The following CDH13 variants were observed in gnomAD, a reference collection of about 807,000 sequenced individuals.
CDH13 encodes cadherin 13, also known as cadherin-13.
In CDH13, 24 loss-of-function variants were observed where a neutral mutation model predicts 63.8. The observed-to-expected ratio is 0.38, with a 90% CI of 0.27 to 0.53. The LOEUF (loss-of-function observed/expected upper bound fraction) is 0.53, where lower values mean the gene tolerates loss of function less well. Among genes scored for constraint, CDH13 ranks in the 20% least tolerant of loss-of-function variants. The probability of loss-of-function intolerance (pLI) is 0.85; values close to 1 mark genes in which losing one functional copy is unlikely to be tolerated. For synonymous variants in CDH13, 503 were observed against 355.3 expected (o/e 1.42, Z -4.67); for missense variants, 1,049 against 903.1 (o/e 1.16, Z -2.07).
intron 1 of CDH13, among the ~76,000 whole-genome samples, chr16:82,853,149 C>T (rs2039560882): frequency 1.3e-5 from 2 of 152,082 alleles, no homozygotes; most frequent in Non-Finnish European, 2.9e-5. Context: ...TTAAAGGATG[C>T]TTGGTGTCCT....
At chr16:83,310,972 C>G (rs981122633) in intron 5 of CDH13, among the ~76,000 whole-genome samples, 5 of 152,208 alleles carry the variant, frequency 3.3e-5, no homozygotes, top group African/African-American at 9.7e-5. Context: ...CCACACAACA[C>G]ACACAAAGTA....
intron 7 of CDH13, among the ~76,000 whole-genome samples, chr16:83,540,047 TTA>T (rs1427520159): frequency 6.6e-6 from 1 of 151,542 alleles, no homozygotes; most frequent in Non-Finnish European, 1.5e-5. Context: ...TTAAAATTCT[TTA>T]TGTTATTGTC....
chr16:83,793,553 T>A (rs1434794494), intron 13 of CDH13, among the ~76,000 whole-genome samples: 1 of 152,154 alleles, frequency 6.6e-6, no homozygotes, highest in Non-Finnish European at 1.5e-5. Flanking sequence ...ATGAGATGCC[T>A]TTTTTCCTCT....
chr16:82,929,439 G>C (rs534330719), intron 2 of CDH13, among the ~76,000 whole-genome samples: 19 of 151,630 alleles, frequency 1.3e-4, no homozygotes, highest in Non-Finnish European at 1.0e-4. Context: ...TCAGGAGATC[G>C]AGACCATCCT....
intron 7 of CDH13, among the ~76,000 whole-genome samples, chr16:83,586,512 C>T (rs993736114): frequency 3.9e-5 from 6 of 152,180 alleles, no homozygotes; most frequent in African/African-American, 1.4e-4. Context: ...GAGTCTGAGC[C>T]GAGAAGGGCA....
In CDH13 at chr16:83,795,777, C is replaced by G. The variant is rs1469975258; in HGVS notation, c.*747C>G. The G allele has an allele frequency of 6.6e-6, 1 of 152,588 alleles. No individual in the cohort carries two copies. Among genetic ancestry groups the G allele is most frequent in the South Asian group, 2.1e-4 (1 of 4,828 alleles). The allele number at this position is 152,588 out of a possible 1,614,324, so 9.5% of individuals were successfully genotyped here. ...GAGCAGGCAATTTCACCACCAAATGCCAAGAAAAGGGCTGACATTTTCTTT... is the reference window on the plus strand; with the variant it reads ...GAGCAGGCAATTTCACCACCAAATGGCAAGAAAAGGGCTGACATTTTCTTT... On this transcript the variant is annotated 3_prime_UTR_variant, in exon 14 of 14. Transcript: ENST00000567109.
intron 9 of CDH13, among the ~76,000 whole-genome samples, chr16:83,676,617 C>T (rs1914977309): frequency 6.6e-6 from 1 of 152,210 alleles, no homozygotes; most frequent in Non-Finnish European, 1.5e-5. Context: ...TGAACCGACA[C>T]ATCACTGTGC....
intron 6 of CDH13, among the ~76,000 whole-genome samples, chr16:83,414,826 T>G (rs2092177168): frequency 6.6e-6 from 1 of 152,194 alleles, no homozygotes; most frequent in Non-Finnish European, 1.5e-5. Context: ...ACTGAACATT[T>G]AGGTTGTTTG....
intron 1 of CDH13, among the ~76,000 whole-genome samples, chr16:82,781,846 T>C (rs944792034): frequency 6.6e-6 from 1 of 152,208 alleles, no homozygotes; most frequent in African/African-American, 2.4e-5. Flanking sequence ...TACGGGAGTA[T>C]ATGTAAACCA....
chr16:83,053,338 C>T (rs1400779431), intron 3 of CDH13, among the ~76,000 whole-genome samples: 1 of 151,984 alleles, frequency 6.6e-6, no homozygotes. Flanking sequence ...TCCTTTCTTC[C>T]CTTCTTTCTT....
chr16:83,349,559 G>A (rs1196291177), intron 6 of CDH13, among the ~76,000 whole-genome samples: 7 of 149,962 alleles, frequency 4.7e-5, no homozygotes, highest in African/African-American at 1.7e-4. Flanking sequence ...GTACAGAAAA[G>A]GAAGTCAGAC....
At chr16:83,372,167 G>C (rs925988074) in intron 6 of CDH13, among the ~76,000 whole-genome samples, 1 of 152,150 alleles carries the variant, frequency 6.6e-6, no homozygotes, top group Admixed American at 6.5e-5. Flanking sequence ...CAACAGCTTT[G>C]TATGGGAGGT....
chr16:82,737,831 C>T (rs1001338853), intron 1 of CDH13, among the ~76,000 whole-genome samples: 11 of 152,138 alleles, frequency 7.2e-5, no homozygotes, highest in Non-Finnish European at 4.4e-5. Context: ...AAAATTGCTC[C>T]GGTTTAATGT....
intron 10 of CDH13, among the ~76,000 whole-genome samples, chr16:83,747,086 A>C (rs551164165): frequency 6.6e-6 from 1 of 152,238 alleles, no homozygotes; most frequent in Non-Finnish European, 1.5e-5. Context: ...ATATCTGTAT[A>C]TTCAACAAAT....
intron 1 of CDH13, among the ~76,000 whole-genome samples, chr16:82,800,768 T>C (rs1337170813): frequency 6.6e-6 from 1 of 152,238 alleles, no homozygotes; most frequent in Non-Finnish European, 1.5e-5. Context: ...ATAGTGATCC[T>C]GTGCTAATTA....
At chr16:83,074,398 C>T (rs544935274) in intron 3 of CDH13, among the ~76,000 whole-genome samples, 70 of 152,284 alleles carry the variant, frequency 4.6e-4, no homozygotes, top group Admixed American at 9.8e-4. Context: ...CATTTATCCA[C>T]TGATGGGCAC....
intron 2 of CDH13, among the ~76,000 whole-genome samples, chr16:82,941,562 G>A (rs1904287214): frequency 6.6e-6 from 1 of 152,124 alleles, no homozygotes; most frequent in Non-Finnish European, 1.5e-5. Flanking sequence ...TGTGTGGATA[G>A]CACACTTTAT....
At chr16:82,704,034 A>C (rs1290467784) in intron 1 of CDH13, among the ~76,000 whole-genome samples, 1 of 152,178 alleles carries the variant, frequency 6.6e-6, no homozygotes, top group Non-Finnish European at 1.5e-5. Flanking sequence ...CCTTTGCAAC[A>C]GTACCAAATA....
chr16:83,434,953 A>ATATATATATATATTTTATTTATATATCAC (rs2072247111), intron 6 of CDH13, among the ~76,000 whole-genome samples: 1 of 145,516 alleles, frequency 6.9e-6, no homozygotes, highest in Non-Finnish European at 1.5e-5. Context: ...TTATATATAA[A>ATATATATATATATTTTATTTATATATCAC]ACATAGGGGT....
Sources: gnomAD v4.1 joint callset for allele counts (sites outside exome capture counted in the v4.1 genomes callset) on GRCh38, gnomAD v4.1.1 for gene constraint, MANE v1.5 for transcripts, NCBI Gene and HGNC (gene_info 2026-07-23, HGNC 2026-07-21) for gene names.